RGPD3: variants seen among roughly 807,000 people sequenced by gnomAD.
RGPD3 encodes ranBP2-like and GRIP domain-containing protein 3.
A neutral mutation model predicts 154.5 loss-of-function variants in RGPD3; 62 were observed. The observed-to-expected ratio is 0.40, with a 90% CI of 0.33 to 0.50. RGPD3 has a LOEUF of 0.50. Ranked by LOEUF, RGPD3 falls within the 20% of genes least tolerant of loss-of-function variation. RGPD3 has a pLI of 0.59. For missense variants in RGPD3, 919 were observed against 1,716.8 expected, an observed-to-expected ratio of 0.54 and a Z score of 8.21; for synonymous variants, 308 against 607.0, an observed-to-expected ratio of 0.51 and a Z score of 7.24.
chr2:106,424,686 C>A lies in RGPD3; in HGVS notation c.3281G>T (p.Gly1094Val). The A allele has an allele frequency of 6.2e-7, 1 of 1,611,968 alleles. No individual in the cohort carries two copies. Among genetic ancestry groups the A allele is most frequent in the East Asian group, 2.2e-5 (1 of 44,876 alleles). Residue 1094 changes from glycine (G) to valine (V), a missense_variant, in exon 20 of 23, where the codon GGC (glycine) becomes GTC (valine). Coordinates refer to ENST00000409886, the MANE Select transcript of RGPD3 (RefSeq NM_001144013.2). ...NLKILKNEVNGKVRMLMQREQ... is the reference protein window; with the variant it reads ...NLKILKNEVNVKVRMLMQREQ... Reference sequence around the variant, plus strand: ...TCTTTGCATCAGCATTCTTACTTTGCCATTGACCTCGTTTTTGAGAATTTT... The same window carrying A: ...TCTTTGCATCAGCATTCTTACTTTGACATTGACCTCGTTTTTGAGAATTTT...
intron 22 of RGPD3, among the ~76,000 whole-genome samples, chr2:106,412,293 GTTTTTTTTTTTTT>G (rs772813472): frequency 4.4e-4 from 20 of 45,026 alleles, no homozygotes; most frequent in East Asian, 1.6e-3. Flanking sequence ...CTACATCATA[GTTTTTTTTTTTTT>G]TTTTTTTTTT....
At chr2:106,462,820 G>C (rs1192483143) in intron 1 of RGPD3, among the ~76,000 whole-genome samples, 3 of 150,992 alleles carry the variant, frequency 2.0e-5, no homozygotes, top group African/African-American at 7.3e-5. Context: ...CAAATCTGTG[G>C]AGTCCCAACA....
chr2:106,445,454 C>G (rs1400001746), intron 7 of RGPD3, among the ~76,000 whole-genome samples: 45 of 151,584 alleles, frequency 3.0e-4, no homozygotes, highest in African/African-American at 1.0e-3. Context: ...AATATTAGCA[C>G]TTAACATGTG....
In RGPD3 at chr2:106,424,567, C is replaced by T. The variant is rs1438588399; in HGVS notation, c.3400G>A (p.Ala1134Thr). 2 of 1,610,504 alleles carry T rather than the reference C, an allele frequency of 1.2e-6. No homozygotes were observed. The highest frequency in any genetic ancestry group is 1.7e-5 in the Admixed American group (1 of 59,964). ...SGSDRAWMWS[A>T]SDFSDGDAKL... ...GCATCACCATCAGAGAAATCACTGG[C>T]TGACCACATCCATGCTCTATCTGAT... Residue 1134 changes from alanine to threonine, a missense_variant, in exon 20 of 23, where the codon GCC (alanine) becomes ACC (threonine). Ala to Thr is a moderately conservative substitution (Grantham distance 58). Transcript: ENST00000409886.
chr2:106,404,989 GTACTTT>G lies in RGPD3; in HGVS notation c.*224_*229del, dbSNP rs1313551485. 1 of 640,670 alleles carries G rather than the reference GTACTTT, an allele frequency of 1.6e-6. No homozygotes were observed. Among genetic ancestry groups the G allele is most frequent in the African/African-American group, 1.9e-5 (1 of 53,774 alleles). The allele number at this position is 640,670 out of a possible 1,614,324, so 39.7% of individuals were successfully genotyped here. On this transcript the variant is annotated 3_prime_UTR_variant, in exon 23 of 23. Transcript: ENST00000409886. ...CCTGGTATCAACACTTCAAGCTGTT[GTACTTT>G]TACTTCAAGTTGAAACTTTTAAAAT... is the stretch of plus-strand genomic sequence containing the variant.
rs1299081964 is a variant in RGPD3, at chr2:106,451,103, A to G, written c.782+1102T>C. Among the ~76,000 whole-genome samples the G allele has an allele frequency of 2.1e-5, 3 of 142,394 alleles. No homozygotes were observed. In the East Asian group the frequency reaches 6.5e-4, roughly 31 times the overall value. The allele number at this position is 142,394 out of a possible 152,430, so 93.4% of individuals were successfully genotyped here. Reference sequence around the variant, plus strand: ...ACTCCCTCTCAAAAAAAAAAAAACAAAAAAGAAAGAAAGAAAGAAAGAAAG... The same window carrying G: ...ACTCCCTCTCAAAAAAAAAAAAACAGAAAAGAAAGAAAGAAAGAAAGAAAG... On this transcript the variant is annotated intron_variant, in intron 6 of 22. Transcript: ENST00000409886.
rs931068680 is a variant in RGPD3, at chr2:106,462,707, G to C, written c.73-3375C>G. Among the ~76,000 whole-genome samples, 4 of 151,822 alleles carry C rather than the reference G, an allele frequency of 2.6e-5. No homozygotes were observed. The East Asian group carries it at 7.7e-4, about 29-fold the overall frequency. Reference sequence around the variant, plus strand: ...TTTCTCTTTTTTTTTAAATTCAAACGGAGTCTCGCTCTGTCACCCATCTTG... The same window carrying C: ...TTTCTCTTTTTTTTTAAATTCAAACCGAGTCTCGCTCTGTCACCCATCTTG... On this transcript the variant is annotated intron_variant, in intron 1 of 22. Transcript: ENST00000409886.
chr2:106,464,073 C>T (rs1233021056), intron 1 of RGPD3, among the ~76,000 whole-genome samples: 1 of 152,212 alleles, frequency 6.6e-6, no homozygotes, highest in African/African-American at 2.4e-5. Flanking sequence ...GGGCCCGGCG[C>T]GGTGGCTCAC....
intron 18 of RGPD3, among the ~76,000 whole-genome samples, chr2:106,426,633 C>T (rs1176446761): frequency 1.3e-5 from 2 of 152,250 alleles, no homozygotes; most frequent in East Asian, 1.9e-4. Context: ...CACATCAACA[C>T]TCATACAGAT....
At chr2:106,425,716 G>C (rs1281046322) in intron 19 of RGPD3, among the ~76,000 whole-genome samples, 1 of 36,992 alleles carries the variant, frequency 2.7e-5, no homozygotes, top group Non-Finnish European at 5.3e-5. Flanking sequence ...TAGTGGGTCA[G>C]CAAGGGCATT....
Position 106,441,318 on chromosome 2 carries a change from C to T in RGPD3, c.1041G>A (p.Met347Ile). ...GEAGQNLLEM[M>I]ACDRLSQSGH... is the part of the protein sequence containing the mutation. The stretch of plus-strand genomic sequence containing the variant: ...CTGATTGGCTCAGTCGGTCACAGGC[C>T]ATCATTTCCAGCAGATTTTGTCCAG... The change falls in exon 8 of 23, where the codon ATG becomes ATA. Residue 347 changes from methionine (M) to isoleucine (I), a missense_variant. By Grantham distance (10) the Met-to-Ile change is conservative. Transcript: ENST00000409886. 7.0e-6 allele frequency: 11 copies of T among 1,565,044 alleles called. No homozygotes were observed. The highest frequency in any genetic ancestry group is 9.5e-6 in the Non-Finnish European group (11 of 1,155,358).
At chr2:106,470,735 A>G, upstream of RGPD3, 1 of 1,491,732 alleles carries the variant, frequency 6.7e-7, no homozygotes. Flanking sequence ...CATGGAAAGA[A>G]CTAATGTTTA....
rs1404628248 is a variant in RGPD3, at chr2:106,459,415, A to C, written c.73-83T>G. On this transcript the variant is annotated intron_variant, in intron 1 of 22. Coordinates refer to ENST00000409886, the MANE Select transcript of RGPD3 (RefSeq NM_001144013.2). ...TCAAAAGTAGTAAAAATCTGCCCTA[A>C]GTTTATGTTCAAATATGCCATTTTC... is the stretch of plus-strand genomic sequence containing the variant. 9 of 605,172 alleles carry C rather than the reference A, an allele frequency of 1.5e-5. No homozygotes were observed. The East Asian group carries it at 2.9e-4, about 19-fold the overall frequency. 37.5% of individuals were successfully genotyped at this position (605,172 alleles called of 1,614,324 possible).
At position 106,424,608 on chromosome 2, in the gene RGPD3, A is replaced by G; in HGVS notation, c.3359T>C (p.Leu1120Pro). 1.2e-6 allele frequency: 2 copies of G among 1,611,774 alleles called. No individual in the cohort carries two copies. The highest frequency in any genetic ancestry group is 4.5e-5 in the East Asian group (2 of 44,826). ...TCTATCTGATCCAGAGAGGGGCTTCAGGTTCATTGTAGTCGTTATCCAATG... is the reference window on the plus strand; with the variant it reads ...TCTATCTGATCCAGAGAGGGGCTTCGGGTTCATTGTAGTCGTTATCCAATG... ...ANHWITTTMNLKPLSGSDRAW... is the reference protein window; with the variant it reads ...ANHWITTTMNPKPLSGSDRAW... Residue 1120 changes from leucine to proline, a missense_variant, in exon 20 of 23, where the codon CTG becomes CCG. Physicochemically the swap from Leu to Pro is moderately conservative, Grantham distance 98. Transcript: ENST00000409886.
At chr2:106,449,770 C>T (rs1175324106) in intron 6 of RGPD3, among the ~76,000 whole-genome samples, 1 of 151,892 alleles carries the variant, frequency 6.6e-6, no homozygotes, top group Non-Finnish European at 1.5e-5. Flanking sequence ...GTAATCCCAG[C>T]ACTTTGGGAG....
At chr2:106,426,176 C>G in intron 18 of RGPD3, 88 bp from the exon 19 acceptor site, 1 of 1,499,626 alleles carries the variant, frequency 6.7e-7, no homozygotes, top group Middle Eastern at 2.5e-4. Flanking sequence ...AATACAAAAG[C>G]AATAGAAATT....
At chr2:106,415,015 C>T (rs981501005) in intron 21 of RGPD3, among the ~76,000 whole-genome samples, 2 of 152,188 alleles carry the variant, frequency 1.3e-5, no homozygotes, top group Admixed American at 6.5e-5. Flanking sequence ...CATAAGAACT[C>T]GTCAACAAGC....
At chr2:106,466,475 C>T (rs1378613346) in intron 1 of RGPD3, among the ~76,000 whole-genome samples, 3 of 131,342 alleles carry the variant, frequency 2.3e-5, no homozygotes, top group Non-Finnish European at 3.3e-5. Flanking sequence ...TCGAGGCCGG[C>T]GCCTCAACAG....
intron 6 of RGPD3, among the ~76,000 whole-genome samples, chr2:106,448,121 T>G (rs1345501600): frequency 6.7e-6 from 1 of 150,158 alleles, no homozygotes; most frequent in Non-Finnish European, 1.5e-5. Context: ...TTTTTTTTTT[T>G]TTTTGAGACG....
Sources: gnomAD v4.1 joint callset for allele counts (sites outside exome capture counted in the v4.1 genomes callset) on GRCh38, gnomAD v4.1.1 for gene constraint, MANE v1.5 for transcripts, NCBI Gene and HGNC (gene_info 2026-07-23, HGNC 2026-07-21) for gene names.